Variants in TSEN2 observed in about 807,000 individuals in gnomAD.
TSEN2 encodes the protein tRNA-splicing endonuclease subunit Sen2.
Under a neutral mutation model 59.2 loss-of-function variants are expected in TSEN2, and 54 were observed. The ratio of observed to expected loss-of-function variants is 0.91; its 90% confidence interval spans 0.73 to 1.14. TSEN2 has a LOEUF of 1.14. Ranked by LOEUF, TSEN2 falls within the 50% of genes most tolerant of loss-of-function variation. TSEN2 has a pLI of 0.00. For missense variants in TSEN2, 636 were observed against 576.2 expected, an observed-to-expected ratio of 1.10 and a Z score of -1.06; for synonymous variants, 195 against 198.2, an observed-to-expected ratio of 0.98 and a Z score of 0.14.
rs531532118 is a variant in TSEN2, at chr3:12,531,187, G to C, written c.1249-383G>C. On this transcript the variant is annotated intron_variant, in intron 10 of 11. Coordinates refer to ENST00000284995, the MANE Select transcript of TSEN2 (RefSeq NM_025265.4). The stretch of plus-strand genomic sequence containing the variant: ...CTCCCACGAGGTCCCTCCATGACAC[G>C]TGGGGATTGTGGGAACTACAAGATG... The C allele has an allele frequency of 4.4e-5, 9 of 206,064 alleles. No homozygotes were observed. The East Asian group carries it at 7.7e-4, about 18-fold the overall frequency. 12.8% of individuals were successfully genotyped at this position (206,064 alleles called of 1,614,324 possible). A position where few individuals can be genotyped will look rare whatever the true frequency, so the allele number is the denominator to read the frequency against.
chr3:12,530,606 G>A (rs1232133514), intron 10 of TSEN2: 20 of 985,400 alleles, frequency 2.0e-5, no homozygotes, highest in Admixed American at 6.1e-5. Context: ...GAGGTGAGGT[G>A]GGGCTGAGGC....
chr3:12,489,915 A>T lies in TSEN2; in HGVS notation c.115A>T (p.Ile39Leu), dbSNP rs1008662453. 7 of 1,614,080 alleles carry T rather than the reference A, an allele frequency of 4.3e-6. No individual in the cohort carries two copies. The highest frequency in any genetic ancestry group is 5.9e-6 in the Non-Finnish European group (7 of 1,180,044). The change falls in exon 2 of 12, where the codon ATA becomes TTA. Residue 39 changes from isoleucine to leucine, a missense_variant. Transcript: ENST00000284995. ...CCATGGTCCTCTGAAAGAATTCAAG[A>T]TATTCCGTGCTGAAATGATTAACAA... ...QDHGPLKEFK[I>L]FRAEMINNNV...
rs1168538879 is a variant in TSEN2 at position 12,516,601 on chromosome 3, G to C, written c.910-10G>C. 2.5e-6 allele frequency: 4 copies of C among 1,613,730 alleles called. No homozygotes were observed. The highest frequency in any genetic ancestry group is 3.4e-6 in the Non-Finnish European group (4 of 1,179,884). On this transcript the variant is annotated splice_polypyrimidine_tract_variant and intron_variant, in intron 6 of 11. Coordinates refer to ENST00000284995, the MANE Select transcript of TSEN2 (RefSeq NM_025265.4). ...TTGTAATGAGCATTTTCTGCTTGCT[G>C]TATTTTCAGGCCTTTTTCTTGGTCT...
Position 12,527,056 on chromosome 3 carries a change from A to G in TSEN2, c.1100-1832A>G, listed in dbSNP as rs565685155. On this transcript the variant is annotated intron_variant, in intron 8 of 11. Coordinates refer to ENST00000284995, the MANE Select transcript of TSEN2 (RefSeq NM_025265.4). The stretch of plus-strand genomic sequence containing the variant: ...TTGAAGAGGCAAAGATTGGGCAGGG[A>G]ACAAAACTCCCAAGTTCACTTTTGT... 8.5e-5 allele frequency among the ~76,000 whole-genome samples: 13 copies of G among 152,372 alleles called. No homozygotes were observed. The East Asian group carries it at 2.3e-3, about 27-fold the overall frequency.
chr3:12,488,169 C>T (rs577685323), intron 1 of TSEN2, among the ~76,000 whole-genome samples: 1 of 152,344 alleles, frequency 6.6e-6, no homozygotes, highest in Non-Finnish European at 1.5e-5. Flanking sequence ...TCCCCTCCCT[C>T]AGTTTTGGCC....
chr3:12,532,060 C>T (rs1178067142), intron 11 of TSEN2, among the ~76,000 whole-genome samples: 3 of 152,206 alleles, frequency 2.0e-5, no homozygotes, highest in Admixed American at 1.3e-4. Context: ...TTGTTTCTCT[C>T]TGGTCTGGCC....
chr3:12,508,511 G>A (rs147229565), intron 6 of TSEN2, among the ~76,000 whole-genome samples: 1 of 152,238 alleles, frequency 6.6e-6, no homozygotes, highest in East Asian at 1.9e-4. Context: ...AGGCAGAATG[G>A]GGTCTCACCC....
intron 2 of TSEN2, 108 bp from the exon 3 acceptor site, chr3:12,492,028 T>C (rs2124947273): frequency 1.1e-6 from 1 of 914,750 alleles, no homozygotes; most frequent in South Asian, 1.4e-5. Flanking sequence ...CCACCAGAGG[T>C]CCTGGAACCA....
At chr3:12,516,488 G>GTGTGTGAA in intron 6 of TSEN2, 123 bp from the exon 7 acceptor site, 1 of 664,062 alleles carries the variant, frequency 1.5e-6, no homozygotes, top group Non-Finnish European at 2.7e-6. Context: ...GTGTGTGTGT[G>GTGTGTGAA]ACCTTTTTGA....
intron 7 of TSEN2, among the ~76,000 whole-genome samples, chr3:12,517,218 C>T (rs1008941057): frequency 1.3e-5 from 2 of 151,762 alleles, no homozygotes; most frequent in African/African-American, 4.8e-5. Flanking sequence ...ATTAGCCGGG[C>T]GTGTTGGCAT....
At position 12,503,862 on chromosome 3, in the gene TSEN2, C is replaced by T. The variant is rs1053635946; in HGVS notation, c.831+78C>T. 2.6e-6 allele frequency: 4 copies of T among 1,541,268 alleles called. No homozygotes were observed. In the African/African-American group the frequency reaches 5.5e-5, roughly 21 times the overall value. On this transcript the variant is annotated intron_variant, in intron 5 of 11. Coordinates refer to ENST00000284995, the MANE Select transcript of TSEN2 (RefSeq NM_025265.4). Reference sequence around the variant, plus strand: ...GTTGGCTAATAGGGATGTCTTTTGCCTGCAGCTGGTAGCTGGCCTGTTGTA... The same window carrying T: ...GTTGGCTAATAGGGATGTCTTTTGCTTGCAGCTGGTAGCTGGCCTGTTGTA...
chr3:12,483,098 G>C (rs1488050788), upstream of TSEN2, among the ~76,000 whole-genome samples: 2 of 152,238 alleles, frequency 1.3e-5, no homozygotes, highest in Non-Finnish European at 2.9e-5. Context: ...GGGCCAGGCA[G>C]GATGCAGTGG....
At position 12,494,347 on chromosome 3, in the gene TSEN2, G is replaced by A. The variant is rs190194792; in HGVS notation, c.271+2130G>A. On this transcript the variant is annotated intron_variant, in intron 3 of 11. Coordinates refer to ENST00000284995, the MANE Select transcript of TSEN2 (RefSeq NM_025265.4). The stretch of plus-strand genomic sequence containing the variant: ...CAGTATAAAGGAAAGTACATGCTGT[G>A]CTGTGGTTTATCTAAAAAGATGGAA... Among the ~76,000 whole-genome samples, 17 of 152,304 alleles carry A rather than the reference G, an allele frequency of 1.1e-4. No individual in the cohort carries two copies. In the East Asian group the frequency reaches 1.2e-3, roughly 10 times the overall value.
At chr3:12,525,024 A>G (rs1026449411) in intron 8 of TSEN2, among the ~76,000 whole-genome samples, 1 of 152,078 alleles carries the variant, frequency 6.6e-6, no homozygotes, top group African/African-American at 2.4e-5. Flanking sequence ...GATTACAGAC[A>G]TGAGCCACCG....
chr3:12,533,831 A>C (rs553143875), downstream of TSEN2, among the ~76,000 whole-genome samples: 1 of 152,162 alleles, frequency 6.6e-6, no homozygotes, highest in Non-Finnish European at 1.5e-5. Flanking sequence ...CATGTTTGTT[A>C]TATTTAATTT....
chr3:12,490,824 C>T (rs1428796711), intron 2 of TSEN2, among the ~76,000 whole-genome samples: 1 of 152,304 alleles, frequency 6.6e-6, no homozygotes, highest in East Asian at 1.9e-4. Context: ...CTTCTCTAGA[C>T]ACTTGATAGA....
At chr3:12,484,073 G>A (rs2052336816), upstream of TSEN2, among the ~76,000 whole-genome samples, 3 of 152,324 alleles carry the variant, frequency 2.0e-5, no homozygotes. Context: ...CAGGTGCGCT[G>A]CTGTGATCCT....
intron 3 of TSEN2, among the ~76,000 whole-genome samples, chr3:12,495,152 A>G (rs1028534645): frequency 6.6e-6 from 1 of 151,312 alleles, no homozygotes; most frequent in African/African-American, 2.4e-5. Flanking sequence ...AAAAAAAGTT[A>G]AATTTTTACA....
At chr3:12,531,470 C>T in intron 10 of TSEN2, 100 bp from the exon 11 acceptor site, 2 of 740,200 alleles carry the variant, frequency 2.7e-6, no homozygotes, top group Non-Finnish European at 4.9e-6. Context: ...TTGGAGTGCA[C>T]AGTGAGAGGG....
Sources: allele counts gnomAD v4.1 joint callset (sites outside exome capture counted in the v4.1 genomes callset), GRCh38; gene constraint gnomAD v4.1.1; transcripts MANE v1.5; gene names NCBI Gene and HGNC (gene_info 2026-07-23, HGNC 2026-07-21).